The following PSAP variants were observed in gnomAD, a reference collection of about 807,000 sequenced individuals.
PSAP encodes precursor of saposins.
In PSAP, 25 loss-of-function variants were observed where a neutral mutation model predicts 66.0. The ratio of observed to expected loss-of-function variants is 0.38; its 90% CI spans 0.28 to 0.53. PSAP has a LOEUF of 0.53. Among genes scored for constraint, PSAP ranks in the 20% least tolerant of loss-of-function variants. PSAP has a pLI of 0.83. For missense variants in PSAP, 649 were observed against 668.8 expected, an observed-to-expected ratio of 0.97 and a Z score of 0.33; for synonymous variants, 273 against 258.9, an observed-to-expected ratio of 1.05 and a Z score of -0.52.
rs983677931 is a variant in PSAP, at chr10:71,816,622, C to T, written c.*819G>A. 1.6e-5 allele frequency: 6 copies of T among 377,594 alleles called. No individual in the cohort carries two copies. The highest frequency in any genetic ancestry group is 7.7e-5 in the South Asian group (4 of 52,178). The allele number at this position is 377,594 out of a possible 1,614,324, so 23.4% of individuals were successfully genotyped here. A position where few individuals can be genotyped will look rare whatever the true frequency, so the allele number is the denominator to read the frequency against. On this transcript the variant is annotated 3_prime_UTR_variant, in exon 14 of 14. Coordinates refer to ENST00000394936, the MANE Select transcript of PSAP (RefSeq NM_002778.4). Reference sequence around the variant, plus strand: ...AAGGGAGGGGTGCAGGCTGAAGCAGCGCCTCAACAGCCAGGGACATGTAGG... The same window carrying T: ...AAGGGAGGGGTGCAGGCTGAAGCAGTGCCTCAACAGCCAGGGACATGTAGG...
intron 1 of PSAP, among the ~76,000 whole-genome samples, chr10:71,838,608 G>A (rs887330264): frequency 3.9e-5 from 6 of 152,292 alleles, no homozygotes; most frequent in Admixed American, 3.9e-4. Flanking sequence ...GAACGGATTA[G>A]CTGGACGTGG....
At chr10:71,830,201 C>A (rs1842484869) in intron 4 of PSAP, among the ~76,000 whole-genome samples, 1 of 152,112 alleles carries the variant, frequency 6.6e-6, no homozygotes, top group Non-Finnish European at 1.5e-5. Context: ...TCTATCCTGC[C>A]CAACTAGCTC....
intron 5 of PSAP, among the ~76,000 whole-genome samples, chr10:71,828,389 C>CT (rs1842437102): frequency 6.6e-6 from 1 of 152,168 alleles, no homozygotes; most frequent in African/African-American, 2.4e-5. Context: ...GGCACAGTGG[C>CT]TCACACCTGT....
intron 8 of PSAP, 78 bp downstream of exon 8, chr10:71,821,798 G>A (rs1469299782): frequency 3.1e-6 from 5 of 1,593,042 alleles, no homozygotes; most frequent in African/African-American, 2.7e-5. Flanking sequence ...CAAGTGACTC[G>A]TAAGATGTGA....
At chr10:71,832,860 T>C (rs1486246785) in intron 2 of PSAP, among the ~76,000 whole-genome samples, 1 of 151,186 alleles carries the variant, frequency 6.6e-6, no homozygotes, top group Non-Finnish European at 1.5e-5. Context: ...CTACTAAAAA[T>C]ACAAAAATTA....
intron 6 of PSAP, among the ~76,000 whole-genome samples, 172 bp from the exon 7 acceptor site, chr10:71,826,065 GACAATTTGGTTACTCTATC>G (rs1842395025): frequency 6.6e-6 from 1 of 152,196 alleles, no homozygotes; most frequent in Non-Finnish European, 1.5e-5. Flanking sequence ...AGATGAAAAT[GACAATTTGGTTACTCTATC>G]ATTTATAGGA....
chr10:71,847,327 G>C (rs1407113997), intron 1 of PSAP, among the ~76,000 whole-genome samples: 1 of 152,156 alleles, frequency 6.6e-6, no homozygotes, highest in Admixed American at 6.5e-5. Context: ...TTACCCGAGT[G>C]TTCAGGGAAG....
intron 4 of PSAP, among the ~76,000 whole-genome samples, chr10:71,829,317 C>T (rs567306416): frequency 6.6e-6 from 1 of 152,318 alleles, no homozygotes; most frequent in South Asian, 2.1e-4. Flanking sequence ...TGCAGTTTGG[C>T]TGTGTCCCCA....
Position 71,819,460 on chromosome 10 carries a change from C to A in PSAP, c.1350+5G>T. ...TGGCCTACCGCAGCCCAGCCCGGGG[C>A]GTACCTGCTTCTGGTAAGGGTCTGG... is the stretch of plus-strand genomic sequence containing the variant. On this transcript the variant is annotated splice_donor_5th_base_variant and intron_variant, in intron 11 of 13. Coordinates refer to ENST00000394936, the MANE Select transcript of PSAP (RefSeq NM_002778.4). 2 of 1,613,908 alleles carry A rather than the reference C, an allele frequency of 1.2e-6. No individual in the cohort carries two copies. Among genetic ancestry groups the A allele is most frequent in the Non-Finnish European group, 8.5e-7 (1 of 1,180,024 alleles).
Position 71,828,084 on chromosome 10 carries a change from G to A in PSAP, c.650C>T (p.Thr217Ile), listed in dbSNP as rs121918103. ...DIQTAVRTNS[T>I]FVQALVEHVK... is the part of the protein sequence containing the mutation. Reference sequence around the variant, plus strand: ...ATGTTCCACCAAGGCCTGGACAAAGGTGGAGTTGGTCCGTACAGCAGTCTG... The same window carrying A: ...ATGTTCCACCAAGGCCTGGACAAAGATGGAGTTGGTCCGTACAGCAGTCTG... Residue 217 changes from threonine to isoleucine, a missense_variant, in exon 6 of 14, where the codon ACC (threonine) becomes ATC (isoleucine). Coordinates refer to ENST00000394936, the MANE Select transcript of PSAP (RefSeq NM_002778.4). 1.4e-5 allele frequency: 22 copies of A among 1,614,056 alleles called. No individual in the cohort carries two copies. The Admixed American group carries it at 3.5e-4, about 26-fold the overall frequency.
At chr10:71,849,670 C>A (rs754345510) in intron 1 of PSAP, among the ~76,000 whole-genome samples, 3 of 152,092 alleles carry the variant, frequency 2.0e-5, no homozygotes, top group Non-Finnish European at 2.9e-5. Context: ...GCAAGACTTT[C>A]TTTTCTCTTT....
intron 7 of PSAP, chr10:71,823,997 T>A: frequency 1.2e-6 from 1 of 869,112 alleles, no homozygotes; most frequent in African/African-American, 1.7e-5. Context: ...GTTAACCAGG[T>A]GTAAGGATGT....
chr10:71,823,196 G>A (rs569139550), intron 7 of PSAP, among the ~76,000 whole-genome samples: 36 of 152,208 alleles, frequency 2.4e-4, no homozygotes, highest in Non-Finnish European at 4.9e-4. Flanking sequence ...GGATGCCAAC[G>A]CTCAGAGGTG....
chr10:71,829,404 CA>C (rs1262119407), intron 4 of PSAP, among the ~76,000 whole-genome samples: 4 of 152,128 alleles, frequency 2.6e-5, no homozygotes, highest in African/African-American at 9.7e-5. Flanking sequence ...GTAACTGAAT[CA>C]CGGGGGCGGG....
chr10:71,822,224 C>T (rs921914552), intron 7 of PSAP: 14 of 613,920 alleles, frequency 2.3e-5, no homozygotes, highest in African/African-American at 2.0e-4. Context: ...GGGGAGGAGA[C>T]CACACAAAGC....
chr10:71,827,455 A>T (rs72804005), intron 6 of PSAP, among the ~76,000 whole-genome samples: 12,726 of 149,202 alleles, frequency 0.085, 854 homozygotes, highest in East Asian at 0.3. Flanking sequence ...GGCCGGGCGC[A>T]GAGACTCACG....
rs1589444572 is a variant in PSAP at position 71,817,175 on chromosome 10, C to T, written c.*266G>A. On this transcript the variant is annotated 3_prime_UTR_variant, in exon 14 of 14. Coordinates refer to ENST00000394936, the MANE Select transcript of PSAP (RefSeq NM_002778.4). ...CAGAGCTCTCTCCTCCTCCAGCAGG[C>T]GCCATGCAAGGGCAGGCTAAAAGAC... 6 of 552,830 alleles carry T rather than the reference C, an allele frequency of 1.1e-5. No homozygotes were observed. Among genetic ancestry groups the T allele is most frequent in the East Asian group, 6.3e-5 (2 of 31,672 alleles). The allele number at this position is 552,830 out of a possible 1,614,324, so 34.2% of individuals were successfully genotyped here. A position where few individuals can be genotyped will look rare whatever the true frequency, so the allele number is the denominator to read the frequency against.
rs1294645407 is a variant in PSAP, at chr10:71,850,869, C to A, written c.40+313G>T. On this transcript the variant is annotated intron_variant, in intron 1 of 13. Coordinates refer to ENST00000394936, the MANE Select transcript of PSAP (RefSeq NM_002778.4). ...GGGGTCACCCTACAAGACTCACCCACCCCCACAGTGGGAAGCGCAGCCTGA... is the reference window on the plus strand; with the variant it reads ...GGGGTCACCCTACAAGACTCACCCAACCCCACAGTGGGAAGCGCAGCCTGA... Among the ~76,000 whole-genome samples the A allele has an allele frequency of 2.6e-5, 4 of 152,236 alleles. No individual in the cohort carries two copies. The East Asian group carries it at 7.7e-4, about 29-fold the overall frequency.
At chr10:71,823,674 C>T (rs1265765252) in intron 7 of PSAP, among the ~76,000 whole-genome samples, 1 of 152,078 alleles carries the variant, frequency 6.6e-6, no homozygotes, top group Non-Finnish European at 1.5e-5. Context: ...TACTGGACCC[C>T]GAAGGGGAGA....
Sources: gnomAD v4.1 joint callset for allele counts (sites outside exome capture counted in the v4.1 genomes callset) on GRCh38, gnomAD v4.1.1 for gene constraint, MANE v1.5 for transcripts, NCBI Gene and HGNC (gene_info 2026-07-23, HGNC 2026-07-21) for gene names.